The following ADAMTS9 variants were observed in gnomAD, a reference collection of about 807,000 sequenced individuals.
ADAMTS9 encodes the protein ADAM metallopeptidase with thrombospondin type 1 motif 9, also known as A disintegrin and metalloproteinase with thrombospondin motifs 9.
ADAMTS9 carries 107 observed loss-of-function variants against 257.1 expected under a neutral mutation model. The observed-to-expected ratio is 0.42, with a 90% CI of 0.36 to 0.49. The LOEUF (loss-of-function observed/expected upper bound fraction) is 0.49, where lower values mean the gene tolerates loss of function less well. Ranked by LOEUF, ADAMTS9 falls within the 20% of genes least tolerant of loss-of-function variation. ADAMTS9 has a pLI of 0.03. For synonymous variants in ADAMTS9, 982 were observed against 880.9 expected, an observed-to-expected ratio of 1.11 and a Z score of -2.03; for missense variants, 2,353 against 2,469.1, an observed-to-expected ratio of 0.95 and a Z score of 1.00.
In ADAMTS9 at chr3:64,658,718, A is replaced by C. The variant is rs978815126; in HGVS notation, c.753T>G (p.Ala251=). 8 of 1,614,174 alleles carry C rather than the reference A, an allele frequency of 5.0e-6. No homozygotes were observed. The highest frequency in any genetic ancestry group is 6.8e-6 in the Non-Finnish European group (8 of 1,180,034). ...CGCTGTTTAATGCTGCTACGTCACC[A>C]GCCAGGTTAATCCTTTCTCCCCATT... ...ARKWGERINL[A]GDVAALNSGL... is the part of the protein sequence containing the mutation. The change falls in exon 4 of 40, where the codon GCT becomes GCG. Residue 251 remains alanine, a synonymous_variant. Coordinates refer to ENST00000498707, the MANE Select transcript of ADAMTS9 (RefSeq NM_182920.2).
intron 30 of ADAMTS9, among the ~76,000 whole-genome samples, chr3:64,554,661 G>C (rs1228573086): frequency 1.3e-5 from 2 of 152,126 alleles, no homozygotes; most frequent in East Asian, 3.8e-4. Flanking sequence ...TCTAACACAA[G>C]TAACACCACC....
chr3:64,654,299 A>G, intron 8 of ADAMTS9, 54 bp downstream of exon 8: 1 of 1,522,902 alleles, frequency 6.6e-7, no homozygotes, highest in Non-Finnish European at 9.0e-7. Context: ...GATGCGAAGG[A>G]ATAAAAGGTT....
chr3:64,647,873 G>A (rs1700835701), intron 11 of ADAMTS9, 67 bp downstream of exon 11: 3 of 1,426,830 alleles, frequency 2.1e-6, no homozygotes, highest in South Asian at 2.6e-5. Context: ...ATCGGTGTCT[G>A]ATCATACACC....
intron 39 of ADAMTS9, among the ~76,000 whole-genome samples, chr3:64,520,251 C>G (rs865806815): frequency 1.3e-5 from 2 of 152,074 alleles, no homozygotes; most frequent in Non-Finnish European, 2.9e-5. Flanking sequence ...GGTAAAAGAG[C>G]TCTACAAGGA....
In ADAMTS9 at chr3:64,615,197, G is replaced by A. The variant is rs1018106028; in HGVS notation, c.3189+124C>T. ...AGAGAACTGGAGTTGTTTTCTCAAGGGAGACAAGGGAGAAAGGGAGAGGTG... is the reference window on the plus strand; with the variant it reads ...AGAGAACTGGAGTTGTTTTCTCAAGAGAGACAAGGGAGAAAGGGAGAGGTG... On this transcript the variant is annotated intron_variant, in intron 21 of 39. Coordinates refer to ENST00000498707, the MANE Select transcript of ADAMTS9 (RefSeq NM_182920.2). 4 of 1,159,446 alleles carry A rather than the reference G, an allele frequency of 3.4e-6. No homozygotes were observed. The African/African-American group carries it at 6.2e-5, about 18-fold the overall frequency. 71.8% of individuals were successfully genotyped at this position (1,159,446 alleles called of 1,614,324 possible). A position where few individuals can be genotyped will look rare whatever the true frequency, so the allele number is the denominator to read the frequency against.
intron 22 of ADAMTS9, among the ~76,000 whole-genome samples, chr3:64,611,222 T>C (rs1020143980): frequency 4.0e-5 from 6 of 151,500 alleles, no homozygotes; most frequent in Non-Finnish European, 8.8e-5. Context: ...CTATTCACAA[T>C]AGCCAAAGGT....
At position 64,550,930 on chromosome 3, in the gene ADAMTS9, G is replaced by A. The variant is rs1322405141; in HGVS notation, c.4831C>T (p.Pro1611Ser). 1 of 1,614,038 alleles carries A rather than the reference G, an allele frequency of 6.2e-7. No individual in the cohort carries two copies. Among genetic ancestry groups the A allele is most frequent in the East Asian group, 2.2e-5 (1 of 44,858 alleles). The stretch of plus-strand genomic sequence containing the variant: ...CCTGTGATCCAGACATACTCGCAGG[G>A]TTGCAAACTACAGCTTTCACGGTCC... The part of the protein sequence containing the change: ...PVDRESCSLQ[P>S]CEYVWITGEW... The change falls in exon 31 of 40, where the codon CCC (proline) becomes TCC (serine). Residue 1611 changes from proline (P) to serine (S), a missense_variant. Pro to Ser is a moderately conservative substitution (Grantham distance 74, BLOSUM62 -1). Transcript: ENST00000498707.
At chr3:64,557,739 T>C (rs2083358891) in intron 30 of ADAMTS9, among the ~76,000 whole-genome samples, 1 of 152,216 alleles carries the variant, frequency 6.6e-6, no homozygotes, top group Admixed American at 6.5e-5. Context: ...ATTTGGCAGA[T>C]GAGCTAAGTG....
intron 30 of ADAMTS9, 144 bp from the exon 31 acceptor site, chr3:64,551,206 TTTTTTTGG>T: frequency 1.0e-6 from 1 of 962,154 alleles, no homozygotes; most frequent in South Asian, 1.9e-5. Context: ...CGTTTTTTTG[TTTTTTTGG>T]TTTTATTTTT....
chr3:64,531,891 T>C (rs893625061), intron 38 of ADAMTS9, among the ~76,000 whole-genome samples: 4 of 152,166 alleles, frequency 2.6e-5, no homozygotes, highest in African/African-American at 7.2e-5. Flanking sequence ...TGGGTAAACT[T>C]AGACATTTTT....
At chr3:64,637,642 T>C (rs1018180267) in intron 12 of ADAMTS9, among the ~76,000 whole-genome samples, 2 of 152,204 alleles carry the variant, frequency 1.3e-5, no homozygotes, top group African/African-American at 4.8e-5. Context: ...TTAGGTACGA[T>C]GAATTAGGGT....
chr3:64,676,531 T>A (rs894356497), intron 3 of ADAMTS9, among the ~76,000 whole-genome samples: 5 of 148,276 alleles, frequency 3.4e-5, no homozygotes, highest in African/African-American at 1.2e-4. Context: ...TAAAAAAAAA[T>A]AATATCCTAC....
At chr3:64,566,482 C>T (rs2083548438) in intron 29 of ADAMTS9, among the ~76,000 whole-genome samples, 1 of 152,072 alleles carries the variant, frequency 6.6e-6, no homozygotes, top group Non-Finnish European at 1.5e-5. Flanking sequence ...GCAGTTTATT[C>T]TGGGGAGGCA....
At chr3:64,521,396 G>T (rs1401036126) in intron 39 of ADAMTS9, 2 of 152,076 alleles carry the variant, frequency 1.3e-5, no homozygotes, top group African/African-American at 4.8e-5. Flanking sequence ...AGTTCTTAAA[G>T]AACTAAAAAT....
chr3:64,584,895 C>G (rs1310823971), intron 28 of ADAMTS9, among the ~76,000 whole-genome samples: 3 of 152,184 alleles, frequency 2.0e-5, no homozygotes, highest in Non-Finnish European at 2.9e-5. Context: ...CCGTACAACT[C>G]TCTAAGTCAG....
intron 16 of ADAMTS9, 63 bp downstream of exon 16, chr3:64,631,389 GGAA>G (rs1243849983): frequency 8.0e-7 from 1 of 1,252,570 alleles, no homozygotes; most frequent in Non-Finnish European, 1.2e-6. Flanking sequence ...AGAGAAGGAA[GGAA>G]GCAGTATCTG....
chr3:64,647,510 T>C (rs184906839), intron 11 of ADAMTS9, among the ~76,000 whole-genome samples: 2 of 152,334 alleles, frequency 1.3e-5, no homozygotes, highest in African/African-American at 2.4e-5. Flanking sequence ...CCTGGTATCA[T>C]AGTAGTACCT....
At chr3:64,582,134 G>T (rs115067041) in intron 28 of ADAMTS9, among the ~76,000 whole-genome samples, 328 of 152,298 alleles carry the variant, frequency 2.2e-3, no homozygotes, top group African/African-American at 7.7e-3. Context: ...TGGCATGGGG[G>T]TTGGGGTTGG....
At chr3:64,589,108 CA>C (rs1203691932) in intron 28 of ADAMTS9, 1 of 152,106 alleles carries the variant, frequency 6.6e-6, no homozygotes, top group Non-Finnish European at 1.5e-5. Flanking sequence ...TCCTTATAGT[CA>C]AAATCTTGAT....
Sources: allele counts gnomAD v4.1 joint callset (sites outside exome capture counted in the v4.1 genomes callset), GRCh38; gene constraint gnomAD v4.1.1; transcripts MANE v1.5; gene names NCBI Gene and HGNC (gene_info 2026-07-23, HGNC 2026-07-21).